Variants in SYT1 observed in about 807,000 individuals in gnomAD.
SYT1 encodes the protein synaptotagmin-1.
A neutral mutation model predicts 44.8 loss-of-function variants in SYT1; 8 were observed. The ratio of observed to expected loss-of-function variants is 0.18; its 90% CI spans 0.10 to 0.32. The LOEUF (loss-of-function observed/expected upper bound fraction) is 0.32. SYT1 is among the 10% of genes least tolerant of loss of function. The probability of loss-of-function intolerance (pLI) is 1.00; values close to 1 mark genes in which losing one functional copy is unlikely to be tolerated. For synonymous variants in SYT1, 154 were observed against 188.8 expected (o/e 0.82, Z 1.51); for missense variants, 286 against 509.3 (o/e 0.56, Z 4.22).
At chr12:79,141,010 G>A (rs1460867602) in intron 3 of SYT1, among the ~76,000 whole-genome samples, 1 of 152,174 alleles carries the variant, frequency 6.6e-6, no homozygotes, top group Non-Finnish European at 1.5e-5. Context: ...CATGAAAAAT[G>A]GAAGCCAGGT....
chr12:79,158,398 A>T lies in SYT1; in HGVS notation c.-17-59105A>T, dbSNP rs540213896. Among the ~76,000 whole-genome samples the T allele has an allele frequency of 4.6e-5, 7 of 152,194 alleles. No individual in the cohort carries two copies. The South Asian group carries it at 1.4e-3, about 31-fold the overall frequency. ...TGACAAGAGGTGGAGCTCAGGTAGT[A>T]ATGTGAGCGATGAAGAGGGGCTGTA... is the stretch of plus-strand genomic sequence containing the variant. On this transcript the variant is annotated intron_variant, in intron 3 of 10. Transcript: ENST00000261205.
intron 4 of SYT1, among the ~76,000 whole-genome samples, chr12:79,256,066 G>A (rs1877496100): frequency 6.6e-6 from 1 of 152,186 alleles, no homozygotes; most frequent in Non-Finnish European, 1.5e-5. Context: ...TCTAAGGTGA[G>A]AGATAAGGGC....
chr12:79,313,294 C>T (rs146262554), intron 8 of SYT1, among the ~76,000 whole-genome samples: 68 of 152,246 alleles, frequency 4.5e-4, no homozygotes, highest in African/African-American at 1.6e-3. Context: ...TGAAACATTA[C>T]AACAGTGTTT....
At chr12:79,057,868 A>AAAC (rs1231293782) in intron 3 of SYT1, among the ~76,000 whole-genome samples, 1 of 152,034 alleles carries the variant, frequency 6.6e-6, no homozygotes, top group African/African-American at 2.4e-5. Context: ...AACAAAATAA[A>AAAC]AACAACAACA....
chr12:79,165,924 T>G (rs909663178), intron 3 of SYT1, among the ~76,000 whole-genome samples: 2 of 151,986 alleles, frequency 1.3e-5, no homozygotes, highest in African/African-American at 4.8e-5. Context: ...GAATTCAATT[T>G]TTTCTTACTT....
chr12:78,964,408 T>A (rs1565739425), intron 1 of SYT1, among the ~76,000 whole-genome samples: 1 of 152,152 alleles, frequency 6.6e-6, no homozygotes, highest in Non-Finnish European at 1.5e-5. Context: ...ATCCTTTATG[T>A]GCTACTATTT....
At chr12:79,153,068 T>G (rs552244593) in intron 3 of SYT1, among the ~76,000 whole-genome samples, 5 of 151,982 alleles carry the variant, frequency 3.3e-5, no homozygotes, top group Non-Finnish European at 5.9e-5. Context: ...ATTTCCCAAG[T>G]TGTCATCGAT....
chr12:79,161,031 G>A (rs887737165), intron 3 of SYT1, among the ~76,000 whole-genome samples: 4 of 152,036 alleles, frequency 2.6e-5, no homozygotes, highest in East Asian at 1.9e-4. Context: ...CCAAGAGCTC[G>A]AGACCATCCT....
At chr12:78,933,420 T>G (rs1157638730) in intron 1 of SYT1, among the ~76,000 whole-genome samples, 1 of 152,184 alleles carries the variant, frequency 6.6e-6, no homozygotes, top group Non-Finnish European at 1.5e-5. Context: ...ATTATCAATA[T>G]AAGAGTAACC....
chr12:78,907,227 A>T (rs1238206110), intron 1 of SYT1, among the ~76,000 whole-genome samples: 1 of 152,104 alleles, frequency 6.6e-6, no homozygotes, highest in Non-Finnish European at 1.5e-5. Context: ...CAAGTGGCAA[A>T]GCAGACAATT....
rs186972608 is a variant in SYT1, at chr12:78,994,299, A to G, written c.-84+16368A>G. Among the ~76,000 whole-genome samples the G allele has an allele frequency of 6.1e-4, 93 of 152,282 alleles. No individual in the cohort carries two copies. In the South Asian group the frequency reaches 0.011, roughly 18 times the overall value. Reference sequence around the variant, plus strand: ...TTGCACCAACCACGATAAATAAAACATTAGTTGTTCTCATATATTATTGTT... The same window carrying G: ...TTGCACCAACCACGATAAATAAAACGTTAGTTGTTCTCATATATTATTGTT... On this transcript the variant is annotated intron_variant, in intron 2 of 10. Coordinates refer to ENST00000261205, the MANE Select transcript of SYT1 (RefSeq NM_005639.3).
intron 3 of SYT1, among the ~76,000 whole-genome samples, chr12:79,092,829 G>A (rs1228677839): frequency 6.6e-6 from 1 of 151,626 alleles, no homozygotes; most frequent in Non-Finnish European, 1.5e-5. Context: ...CAAAACCACT[G>A]TCTGTCAATG....
intron 2 of SYT1, among the ~76,000 whole-genome samples, chr12:79,003,677 C>G (rs1020949044): frequency 2.0e-5 from 3 of 151,916 alleles, no homozygotes; most frequent in Admixed American, 1.3e-4. Flanking sequence ...TTTCTGAACT[C>G]CAGAATATGA....
At position 78,932,928 on chromosome 12, in the gene SYT1, G is replaced by A. The variant is rs550937624; in HGVS notation, c.-216-44871G>A. ...TGTCTCAAACACAAAATCTCAGAAC[G>A]TCTTACTTTCATGCAAAAAAACTAA... On this transcript the variant is annotated intron_variant, in intron 1 of 10. Coordinates refer to ENST00000261205, the MANE Select transcript of SYT1 (RefSeq NM_005639.3). Among the ~76,000 whole-genome samples, 91 of 152,134 alleles carry A rather than the reference G, an allele frequency of 6.0e-4. No homozygotes were observed. The Middle Eastern group carries it at 0.014, about 23-fold the overall frequency.
intron 8 of SYT1, among the ~76,000 whole-genome samples, chr12:79,329,582 T>C (rs1227960742): frequency 6.6e-6 from 1 of 152,176 alleles, no homozygotes; most frequent in African/African-American, 2.4e-5. Flanking sequence ...CTTTATCTCA[T>C]CTCATCTCAT....
intron 1 of SYT1, among the ~76,000 whole-genome samples, chr12:78,902,796 T>C (rs1875736040): frequency 6.6e-6 from 1 of 152,150 alleles, no homozygotes; most frequent in South Asian, 2.1e-4. Flanking sequence ...GGCAACTGTG[T>C]TTTGTTTGAT....
At chr12:79,088,022 A>G (rs1054077000) in intron 3 of SYT1, among the ~76,000 whole-genome samples, 6 of 152,096 alleles carry the variant, frequency 3.9e-5, no homozygotes, top group Non-Finnish European at 8.8e-5. Context: ...TTGAGTGCCT[A>G]CTGCCTCTCT....
chr12:79,334,563 G>A (rs981507391), intron 8 of SYT1, among the ~76,000 whole-genome samples: 2 of 152,136 alleles, frequency 1.3e-5, no homozygotes, highest in South Asian at 4.2e-4. Context: ...GAAGCAGCAC[G>A]TTCAAAGGCT....
chr12:78,880,516 A>G (rs1012957014), intron 1 of SYT1, among the ~76,000 whole-genome samples: 1 of 151,624 alleles, frequency 6.6e-6, no homozygotes, highest in South Asian at 2.1e-4. Flanking sequence ...AGAGATTTTT[A>G]TATTTTTTAC....
Sources: gnomAD v4.1 joint callset for allele counts (sites outside exome capture counted in the v4.1 genomes callset) on GRCh38, gnomAD v4.1.1 for gene constraint, MANE v1.5 for transcripts, NCBI Gene and HGNC (gene_info 2026-07-23, HGNC 2026-07-21) for gene names.